The following KALRN variants were observed in gnomAD, a reference collection of about 807,000 sequenced individuals.
KALRN encodes the protein kalirin.
KALRN carries 70 observed loss-of-function variants against 353.7 expected under a neutral mutation model. The ratio of observed to expected loss-of-function variants is 0.20; its 90% CI spans 0.16 to 0.24. The LOEUF is 0.24. KALRN is among the 10% of genes least tolerant of loss of function. The probability of loss-of-function intolerance (pLI) is 1.00; values close to 1 mark genes in which losing one functional copy is unlikely to be tolerated. For synonymous variants in KALRN, 1,391 were observed against 1,434.8 expected (o/e 0.97, Z 0.69); for missense variants, 2,791 against 3,756.7 (o/e 0.74, Z 6.72).
Position 124,690,491 on chromosome 3 carries a change from G to C in KALRN, c.7378-3313G>C, listed in dbSNP as rs545878813. On this transcript the variant is annotated intron_variant, in intron 51 of 59. Coordinates refer to ENST00000682506, the MANE Select transcript of KALRN (RefSeq NM_001388419.1). ...GGAGGATTTTAAATTAAAGGACTGAGTAGAGATAGGATAGATAGAGAGGTG... is the reference window on the plus strand; with the variant it reads ...GGAGGATTTTAAATTAAAGGACTGACTAGAGATAGGATAGATAGAGAGGTG... Among the ~76,000 whole-genome samples, 11 of 152,338 alleles carry C rather than the reference G, an allele frequency of 7.2e-5. 1 individual carries two copies. The South Asian group carries it at 2.3e-3, about 32-fold the overall frequency.
At position 124,694,336 on chromosome 3, in the gene KALRN, C is replaced by T; in HGVS notation, c.7410C>T (p.Ala2470=). The T allele has an allele frequency of 1.9e-6, 3 of 1,613,660 alleles. No individual in the cohort carries two copies. Among genetic ancestry groups the T allele is most frequent in the Non-Finnish European group, 2.5e-6 (3 of 1,179,736 alleles). The part of the protein sequence containing the change: ...ILNPNFIQEV[A]PEFLVPLVDV... ...TGTATGTTGATTTGATCACAGTGGC[C>T]CCAGAATTCCTTGTGCCCTTGGTGG... The change falls in exon 53 of 60, where the codon GCC becomes GCT. Residue 2470 remains alanine, a synonymous_variant. Coordinates refer to ENST00000682506, the MANE Select transcript of KALRN (RefSeq NM_001388419.1).
chr3:124,508,011 G>A (rs1019930373), intron 33 of KALRN, among the ~76,000 whole-genome samples: 4 of 152,060 alleles, frequency 2.6e-5, no homozygotes, highest in Admixed American at 2.6e-4. Flanking sequence ...TAATTGAAAT[G>A]TACAGTATTT....
At chr3:124,444,275 A>G (rs779387052) in intron 19 of KALRN, among the ~76,000 whole-genome samples, 6 of 152,216 alleles carry the variant, frequency 3.9e-5, no homozygotes, top group Non-Finnish European at 7.3e-5. Context: ...GCAGTTACCC[A>G]GGAGAATTTC....
chr3:124,242,241 T>A (rs4234217), intron 3 of KALRN, among the ~76,000 whole-genome samples: 51,971 of 152,150 alleles, frequency 0.34, 9,415 homozygotes, highest in East Asian at 0.46. Flanking sequence ...CAACTAGCAT[T>A]TATTAATCAA....
chr3:124,270,993 C>A (rs1309515672), intron 5 of KALRN, among the ~76,000 whole-genome samples: 2 of 151,898 alleles, frequency 1.3e-5, no homozygotes, highest in Non-Finnish European at 2.9e-5. Flanking sequence ...CCATGCCTGG[C>A]TAATTTTTTG....
At chr3:124,068,778 G>GA (rs959141694) in intron 1 of KALRN, among the ~76,000 whole-genome samples, 25 of 149,008 alleles carry the variant, frequency 1.7e-4, no homozygotes, top group Non-Finnish European at 3.0e-4. Flanking sequence ...TTTACAAAAA[G>GA]AAAAAAAAAA....
intron 10 of KALRN, among the ~76,000 whole-genome samples, chr3:124,369,373 C>G (rs2085504436): frequency 6.6e-6 from 1 of 152,174 alleles, no homozygotes; most frequent in African/African-American, 2.4e-5. Flanking sequence ...GTGTAAAGAG[C>G]TAATTATTCC....
chr3:124,235,761 CA>C (rs2079681224), intron 3 of KALRN, among the ~76,000 whole-genome samples: 1 of 152,188 alleles, frequency 6.6e-6, no homozygotes, highest in Non-Finnish European at 1.5e-5. Context: ...TTAGTGGGGC[CA>C]AAGCCTGTGA....
At chr3:124,227,663 G>GTTTTTTTTTTTTTTT (rs747087120) in intron 1 of KALRN, among the ~76,000 whole-genome samples, 8 of 69,228 alleles carry the variant, frequency 1.2e-4, no homozygotes, top group African/African-American at 1.5e-4. Context: ...CAACAGGGCT[G>GTTTTTTTTTTTTTTT]TTTTTTTTTT....
intron 19 of KALRN, among the ~76,000 whole-genome samples, chr3:124,442,583 C>G (rs1311335600): frequency 6.6e-6 from 1 of 152,100 alleles, no homozygotes; most frequent in Non-Finnish European, 1.5e-5. Context: ...CCTTTTAAAA[C>G]TTTAGTTTCT....
intron 33 of KALRN, among the ~76,000 whole-genome samples, chr3:124,539,124 G>C (rs2068778862): frequency 6.6e-6 from 1 of 152,208 alleles, no homozygotes; most frequent in Non-Finnish European, 1.5e-5. Flanking sequence ...GTGATCTGTA[G>C]CCTGCCAGAT....
chr3:124,341,859 G>C (rs559015136), intron 9 of KALRN, among the ~76,000 whole-genome samples: 4 of 152,304 alleles, frequency 2.6e-5, no homozygotes, highest in African/African-American at 9.6e-5. Flanking sequence ...CATAGCCAAT[G>C]ATTTTGAGGC....
At chr3:124,212,055 A>G (rs1484216959) in intron 1 of KALRN, among the ~76,000 whole-genome samples, 1 of 152,232 alleles carries the variant, frequency 6.6e-6, no homozygotes, top group African/African-American at 2.4e-5. Flanking sequence ...TGGGCATTTA[A>G]GAGACCAAAG....
At position 124,413,636 on chromosome 3, in the gene KALRN, A is replaced by G; in HGVS notation, c.2513A>G (p.His838Arg). The change falls in exon 14 of 60, where the codon CAC becomes CGC. Residue 838 changes from histidine (H) to arginine (R), a missense_variant. By Grantham distance (29) the His-to-Arg change is conservative. Around this residue, in one of 11 missense-constraint regions of KALRN, gnomAD observed 452 missense variants for 575.8 expected, o/e 0.78. Transcript: ENST00000682506. ...GTTATCCAGCAGGGACAGGATCTGC[A>G]CCAGTACATCACGGAGGTCCAGGCA... ...FEVIQQGQDL[H>R]QYITEVQASG... 3 of 1,614,116 alleles carry G rather than the reference A, an allele frequency of 1.9e-6. No homozygotes were observed. Among genetic ancestry groups the G allele is most frequent in the African/African-American group, 1.3e-5 (1 of 75,046 alleles).
chr3:124,180,477 G>A (rs923904672), intron 1 of KALRN, among the ~76,000 whole-genome samples: 4 of 152,164 alleles, frequency 2.6e-5, no homozygotes, highest in African/African-American at 4.8e-5. Flanking sequence ...AGAAAAGAAG[G>A]TGCACAGGGA....
At chr3:124,464,562 A>G (rs1337153722) in intron 25 of KALRN, among the ~76,000 whole-genome samples, 2 of 152,186 alleles carry the variant, frequency 1.3e-5, no homozygotes, top group Non-Finnish European at 2.9e-5. Context: ...AAATCCAACT[A>G]TCAAGAACAC....
chr3:124,114,573 A>G (rs1000902235), intron 1 of KALRN, among the ~76,000 whole-genome samples: 1 of 152,200 alleles, frequency 6.6e-6, no homozygotes, highest in African/African-American at 2.4e-5. Flanking sequence ...ACCCTGGAGC[A>G]AGCACTCTGG....
chr3:124,364,064 T>G (rs2084364281), intron 10 of KALRN, among the ~76,000 whole-genome samples: 1 of 152,206 alleles, frequency 6.6e-6, no homozygotes, highest in South Asian at 2.1e-4. Context: ...TATCTACGTT[T>G]TGGGGGTTCT....
At chr3:124,509,092 G>T (rs2065573859) in intron 33 of KALRN, among the ~76,000 whole-genome samples, 1 of 152,122 alleles carries the variant, frequency 6.6e-6, no homozygotes, top group Non-Finnish European at 1.5e-5. Flanking sequence ...TCACCCTGTG[G>T]CAAATCTTTT....
Sources: allele counts gnomAD v4.1 joint callset (sites outside exome capture counted in the v4.1 genomes callset), GRCh38; gene constraint gnomAD v4.1.1; regional missense constraint gnomAD v4.1.1; transcripts MANE v1.5; gene names NCBI Gene and HGNC (gene_info 2026-07-23, HGNC 2026-07-21).